UXS1: variants seen among roughly 807,000 people sequenced by gnomAD.
UXS1 encodes the protein UDP-glucuronic acid decarboxylase 1.
Under a neutral mutation model 62.6 loss-of-function variants are expected in UXS1, and 33 were observed. The ratio of observed to expected loss-of-function variants is 0.53; its 90% confidence interval spans 0.40 to 0.70. The LOEUF (loss-of-function observed/expected upper bound fraction) is 0.70. Ranked by LOEUF, UXS1 falls within the 30% of genes least tolerant of loss-of-function variation. UXS1 has a pLI of 0.00. For missense variants in UXS1, 434 were observed against 556.3 expected (o/e 0.78, Z 2.21); for synonymous variants, 213 against 206.8 (o/e 1.03, Z -0.26).
intron 5 of UXS1, among the ~76,000 whole-genome samples, chr2:106,149,573 A>G (rs1681852830): frequency 6.6e-6 from 1 of 152,170 alleles, no homozygotes; most frequent in African/African-American, 2.4e-5. Context: ...GAAGACCCTC[A>G]CCAGGTCACA....
chr2:106,191,347 G>A (rs1029893885), intron 1 of UXS1, among the ~76,000 whole-genome samples: 1 of 152,230 alleles, frequency 6.6e-6, no homozygotes, highest in Non-Finnish European at 1.5e-5. Context: ...ACTTGTAACA[G>A]GGAGGGCAAG....
chr2:106,162,302 C>T (rs918879325), intron 4 of UXS1, among the ~76,000 whole-genome samples: 8 of 152,124 alleles, frequency 5.3e-5, no homozygotes, highest in African/African-American at 1.9e-4. Context: ...GCTTCTCCAT[C>T]CAGTTTAAAA....
intron 1 of UXS1, among the ~76,000 whole-genome samples, chr2:106,177,241 G>C (rs561697198): frequency 2.7e-4 from 36 of 131,390 alleles, no homozygotes; most frequent in African/African-American, 9.9e-4. Context: ...TGTCACCCAG[G>C]CTGGAATGAA....
At chr2:106,167,752 A>C (rs1274484968) in intron 1 of UXS1, among the ~76,000 whole-genome samples, 7 of 152,254 alleles carry the variant, frequency 4.6e-5, no homozygotes, top group Non-Finnish European at 1.0e-4. Flanking sequence ...CACTGGAACC[A>C]GAGTAACTCC....
intron 6 of UXS1, among the ~76,000 whole-genome samples, chr2:106,141,290 T>TA (rs1265552779): frequency 6.6e-6 from 1 of 152,142 alleles, no homozygotes; most frequent in Non-Finnish European, 1.5e-5. Flanking sequence ...GGACAATACA[T>TA]AATAGGTTAT....
rs1683185200 is a variant in UXS1, at chr2:106,165,964, C to T, written c.122+92G>A. ...CCACTTTTGTTTTAAAAATATTTTT[C>T]AATTAACCCATGACATCCATGGTAT... On this transcript the variant is annotated intron_variant, in intron 2 of 14. Coordinates refer to ENST00000283148, the MANE Select transcript of UXS1 (RefSeq NM_001253875.2). 3 of 1,249,470 alleles carry T rather than the reference C, an allele frequency of 2.4e-6. No individual in the cohort carries two copies. In the Admixed American group the frequency reaches 7.8e-5, roughly 33 times the overall value. 77.4% of individuals were successfully genotyped at this position (1,249,470 alleles called of 1,614,324 possible).
At chr2:106,114,387 G>T (rs913882809) in intron 9 of UXS1, among the ~76,000 whole-genome samples, 1 of 152,186 alleles carries the variant, frequency 6.6e-6, no homozygotes, top group African/African-American at 2.4e-5. Flanking sequence ...CCGAACTAAT[G>T]AGTGTATTAA....
At chr2:106,184,037 C>A (rs964625173) in intron 1 of UXS1, among the ~76,000 whole-genome samples, 3 of 151,966 alleles carry the variant, frequency 2.0e-5, no homozygotes, top group African/African-American at 7.3e-5. Flanking sequence ...ACTAAAAATA[C>A]AAAAATTAGC....
intron 4 of UXS1, chr2:106,160,511 T>C (rs764118025): frequency 6.6e-6 from 1 of 152,190 alleles, no homozygotes; most frequent in Non-Finnish European, 1.5e-5. Flanking sequence ...TAGCTACATA[T>C]GGGAAAACGC....
intron 1 of UXS1, among the ~76,000 whole-genome samples, chr2:106,168,975 CTTACTTTTAAAAAAGTTTAG>C (rs1038827064): frequency 8.5e-5 from 13 of 152,302 alleles, no homozygotes; most frequent in East Asian, 1.9e-4. Flanking sequence ...TAAGTGTTTA[CTTACTTTTAAAAAAGTTTAG>C]TTACTTTTAA....
At chr2:106,129,188 A>G (rs1406020856) in intron 7 of UXS1, among the ~76,000 whole-genome samples, 2 of 152,200 alleles carry the variant, frequency 1.3e-5, no homozygotes, top group Admixed American at 6.5e-5. Flanking sequence ...CTCAGTCTTG[A>G]TAACACCCCA....
At chr2:106,112,142 C>T (rs185697365) in intron 10 of UXS1, among the ~76,000 whole-genome samples, 11 of 152,188 alleles carry the variant, frequency 7.2e-5, no homozygotes, top group Non-Finnish European at 1.3e-4. Flanking sequence ...CTTGGACCAC[C>T]GACCACAGAT....
Position 106,096,817 on chromosome 2 carries a change from G to A in UXS1, c.1047C>T (p.Ser349=), listed in dbSNP as rs536068070. Residue 349 remains serine (S), a synonymous_variant, in exon 14 of 15, where the codon AGC becomes AGT. Coordinates refer to ENST00000283148, the MANE Select transcript of UXS1 (RefSeq NM_001253875.2). ...CGGAGAGAAACTGAATTTCACTTCCGCTACCTGAGATGTTTAAAGAAAAAA... is the reference window on the plus strand; with the variant it reads ...CGGAGAGAAACTGAATTTCACTTCCACTACCTGAGATGTTTAAAGAAAAAA... ...FAQLIKNLVG[S]GSEIQFLSEA... The A allele has an allele frequency of 2.4e-4, 374 of 1,582,670 alleles. 5 individuals are homozygous for A. The South Asian group carries it at 3.6e-3, about 15-fold the overall frequency.
chr2:106,183,234 C>CA (rs1553439083), intron 1 of UXS1, among the ~76,000 whole-genome samples: 1 of 49,114 alleles, frequency 2.0e-5, no homozygotes, highest in African/African-American at 6.7e-5. Context: ...CTGCTCAAGT[C>CA]TTTTTTAAAA....
intron 13 of UXS1, chr2:106,097,557 C>A (rs1276855116): frequency 2.0e-5 from 5 of 244,658 alleles, no homozygotes; most frequent in African/African-American, 6.5e-5. Context: ...GCACGCCCCT[C>A]CCCCCAGCCT....
chr2:106,157,147 T>TG lies in UXS1; in HGVS notation c.291+910dup, dbSNP rs369786368. ...ACTGCTAATGGGTATAGGCTTTCCT[T>TG]GGGGGGGGCCTACAATTGGATGTGG... On this transcript the variant is annotated intron_variant, in intron 5 of 14. Coordinates refer to ENST00000283148, the MANE Select transcript of UXS1 (RefSeq NM_001253875.2). 6.7e-4 allele frequency among the ~76,000 whole-genome samples: 101 copies of TG among 151,732 alleles called. 1 individual carries two copies. The highest frequency in any genetic ancestry group is 3.4e-3 in the Middle Eastern group (1 of 292).
At chr2:106,120,656 T>C (rs1000912530) in intron 9 of UXS1, among the ~76,000 whole-genome samples, 1 of 152,160 alleles carries the variant, frequency 6.6e-6, no homozygotes, top group Admixed American at 6.5e-5. Context: ...CTGTCTTCCA[T>C]GGGCCAATTC....
At chr2:106,100,742 G>T (rs542530365) in intron 12 of UXS1, 1 of 273,552 alleles carries the variant, frequency 3.7e-6, no homozygotes, top group East Asian at 7.5e-5. Context: ...ATGATGACCC[G>T]CCTGTTAAAT....
chr2:106,190,986 T>C (rs1684891275), intron 1 of UXS1, among the ~76,000 whole-genome samples: 1 of 152,168 alleles, frequency 6.6e-6, no homozygotes, highest in African/African-American at 2.4e-5. Context: ...CTGCTATAAA[T>C]GTTTCAAGGG....
Sources: allele counts gnomAD v4.1 joint callset (sites outside exome capture counted in the v4.1 genomes callset), GRCh38; gene constraint gnomAD v4.1.1; transcripts MANE v1.5; gene names NCBI Gene and HGNC (gene_info 2026-07-23, HGNC 2026-07-21).